Variants in PPFIA2 observed in about 807,000 individuals in gnomAD.
PPFIA2 encodes PPFI scaffold protein A2.
Under a neutral mutation model 175.5 loss-of-function variants are expected in PPFIA2, and 46 were observed. The ratio of observed to expected loss-of-function variants is 0.26; its 90% CI spans 0.21 to 0.34. PPFIA2 has a LOEUF of 0.34. Among genes scored for constraint, PPFIA2 ranks in the 10% least tolerant of loss-of-function variants. The pLI is 1.00. For synonymous variants in PPFIA2, 568 were observed against 511.4 expected (o/e 1.11, Z -1.49); for missense variants, 1,179 against 1,506.1 (o/e 0.78, Z 3.60).
chr12:81,344,180 G>A (rs776069357), intron 19 of PPFIA2, among the ~76,000 whole-genome samples: 1 of 151,958 alleles, frequency 6.6e-6, no homozygotes, highest in Non-Finnish European at 1.5e-5. Context: ...CCTGACTGAC[G>A]CTGGTGCTGT....
intron 5 of PPFIA2, among the ~76,000 whole-genome samples, chr12:81,456,314 T>C (rs2053562033): frequency 6.6e-6 from 1 of 152,216 alleles, no homozygotes; most frequent in South Asian, 2.1e-4. Context: ...GCCCTTGTTA[T>C]GCCCTGTTTG....
chr12:81,408,981 C>A (rs1485785625), intron 7 of PPFIA2, among the ~76,000 whole-genome samples: 3 of 152,050 alleles, frequency 2.0e-5, no homozygotes, highest in Admixed American at 2.0e-4. Flanking sequence ...GTTTGTAGTT[C>A]TCTTTTAAAA....
chr12:81,667,275 A>G (rs2070520310), intron 4 of PPFIA2, among the ~76,000 whole-genome samples: 1 of 152,088 alleles, frequency 6.6e-6, no homozygotes, highest in Non-Finnish European at 1.5e-5. Context: ...ACTTTGTTGA[A>G]GGAGCCCATC....
intron 4 of PPFIA2, among the ~76,000 whole-genome samples, chr12:81,651,518 T>TTGA (rs2067017527): frequency 6.6e-6 from 1 of 152,020 alleles, no homozygotes; most frequent in Non-Finnish European, 1.5e-5. Context: ...TTCTTACTAC[T>TTGA]CTCTCTTTCC....
At chr12:81,721,229 C>A (rs1367656640) in intron 3 of PPFIA2, among the ~76,000 whole-genome samples, 1 of 151,036 alleles carries the variant, frequency 6.6e-6, no homozygotes. Context: ...CATGTTGACC[C>A]CAGAGGTTTT....
intron 4 of PPFIA2, among the ~76,000 whole-genome samples, chr12:81,609,340 G>A (rs543898323): frequency 2.0e-5 from 3 of 151,900 alleles, no homozygotes; most frequent in Non-Finnish European, 4.4e-5. Flanking sequence ...TTGTTGTTTT[G>A]CTGCTTTGAC....
intron 4 of PPFIA2, among the ~76,000 whole-genome samples, chr12:81,649,559 A>G (rs968616985): frequency 2.0e-5 from 3 of 152,218 alleles, no homozygotes; most frequent in Non-Finnish European, 4.4e-5. Context: ...TTCTACTTGT[A>G]GGTATCTGCT....
At chr12:81,742,372 ACT>A (rs1341070260) in intron 3 of PPFIA2, among the ~76,000 whole-genome samples, 2 of 152,132 alleles carry the variant, frequency 1.3e-5, no homozygotes, top group African/African-American at 2.4e-5. Context: ...AGAGATGGTG[ACT>A]CTGACTAGGA....
chr12:81,330,411 C>T (rs118115625), intron 21 of PPFIA2, among the ~76,000 whole-genome samples: 2,912 of 152,200 alleles, frequency 0.019, 44 homozygotes, highest in Non-Finnish European at 0.032. Flanking sequence ...TCTTTGTCTT[C>T]CTTTCCTTCC....
intron 3 of PPFIA2, among the ~76,000 whole-genome samples, chr12:81,746,521 G>GAGAATAAGTTTATAGAAAAAGAA (rs1249758639): frequency 1.4e-5 from 2 of 143,916 alleles, no homozygotes; most frequent in Non-Finnish European, 3.1e-5. Flanking sequence ...AATAAACTTG[G>GAGAATAAGTTTATAGAAAAAGAA]AGAATAAGTT....
rs577384422 is a variant in PPFIA2 at position 81,641,220 on chromosome 12, A to C, written c.303+35571T>G. ...TTCACCGCAAGTATTTAACCACATAAATTTTATTATTTCTCATTAACTAAG... is the reference window on the plus strand; with the variant it reads ...TTCACCGCAAGTATTTAACCACATACATTTTATTATTTCTCATTAACTAAG... On this transcript the variant is annotated intron_variant, in intron 4 of 32. Coordinates refer to ENST00000549396, the MANE Select transcript of PPFIA2 (RefSeq NM_003625.5). Among the ~76,000 whole-genome samples the C allele has an allele frequency of 2.6e-5, 4 of 152,214 alleles. No individual in the cohort carries two copies. In the South Asian group the frequency reaches 8.3e-4, roughly 32 times the overall value.
At chr12:81,751,510 C>T (rs1156310160) in intron 3 of PPFIA2, among the ~76,000 whole-genome samples, 2 of 149,500 alleles carry the variant, frequency 1.3e-5, no homozygotes, top group Non-Finnish European at 3.0e-5. Context: ...CATAGTCCTT[C>T]AGGAGGATTG....
chr12:81,302,250 T>C, intron 22 of PPFIA2: 1 of 388,972 alleles, frequency 2.6e-6, no homozygotes, highest in Non-Finnish European at 5.1e-6. Flanking sequence ...TTACCTCCTC[T>C]TGAGCTTTTA....
At chr12:81,393,958 T>C (rs1156427648) in intron 8 of PPFIA2, among the ~76,000 whole-genome samples, 1 of 152,044 alleles carries the variant, frequency 6.6e-6, no homozygotes, top group Non-Finnish European at 1.5e-5. Flanking sequence ...TGGCATAAGA[T>C]GGTTTAATTT....
At chr12:81,399,290 CAAAAAAAA>C (rs543794696) in intron 8 of PPFIA2, among the ~76,000 whole-genome samples, 2 of 42,000 alleles carry the variant, frequency 4.8e-5, no homozygotes, top group Non-Finnish European at 9.5e-5. Flanking sequence ...TCCTTCTTCA[CAAAAAAAA>C]AAAAAAAAAA....
At chr12:81,506,456 T>C (rs1313580558) in intron 4 of PPFIA2, among the ~76,000 whole-genome samples, 1 of 152,214 alleles carries the variant, frequency 6.6e-6, no homozygotes, top group Admixed American at 6.5e-5. Flanking sequence ...TATTAGAATA[T>C]AAATTCACTG....
At chr12:81,527,376 G>T (rs1179930706) in intron 4 of PPFIA2, among the ~76,000 whole-genome samples, 1 of 151,840 alleles carries the variant, frequency 6.6e-6, no homozygotes, top group East Asian at 1.9e-4. Flanking sequence ...TCCATTTTAT[G>T]CTTCTGTTTA....
chr12:81,297,589 TG>T (rs2046802803), intron 23 of PPFIA2, among the ~76,000 whole-genome samples: 1 of 152,222 alleles, frequency 6.6e-6, no homozygotes, highest in African/African-American at 2.4e-5. Context: ...AGATAGTACT[TG>T]ACTATTTAGT....
chr12:81,266,620 G>A (rs929916901), intron 30 of PPFIA2, among the ~76,000 whole-genome samples: 16 of 152,024 alleles, frequency 1.1e-4, no homozygotes, highest in African/African-American at 3.9e-4. Context: ...TTATTAAAAA[G>A]CTGAATTTAT....
Sources: allele counts gnomAD v4.1 joint callset (sites outside exome capture counted in the v4.1 genomes callset), GRCh38; gene constraint gnomAD v4.1.1; transcripts MANE v1.5; gene names NCBI Gene and HGNC (gene_info 2026-07-23, HGNC 2026-07-21).